The following SYN3 variants were observed in gnomAD, a reference collection of about 807,000 sequenced individuals.
SYN3 encodes synapsin-3.
SYN3 carries 35 observed loss-of-function variants against 65.8 expected under a neutral mutation model. The ratio of observed to expected loss-of-function variants is 0.53; its 90% CI spans 0.41 to 0.70. The LOEUF (loss-of-function observed/expected upper bound fraction) is 0.70, where lower values mean the gene tolerates loss of function less well. Among genes scored for constraint, SYN3 ranks in the 30% least tolerant of loss-of-function variants. The pLI, the probability that SYN3 is intolerant of heterozygous loss-of-function variation, is 0.00. For synonymous variants in SYN3, 270 were observed against 292.9 expected (o/e 0.92, Z 0.80); for missense variants, 680 against 749.0 (o/e 0.91, Z 1.08).
At chr22:32,649,767 C>G (rs2060035317) in intron 6 of SYN3, among the ~76,000 whole-genome samples, 1 of 152,156 alleles carries the variant, frequency 6.6e-6, no homozygotes, top group South Asian at 2.1e-4. Flanking sequence ...TGGTGAGGGG[C>G]TGGTTGGTTA....
At position 32,510,326 on chromosome 22, in the gene SYN3, G is replaced by A. The variant is rs948604586; in HGVS notation, c.*3366C>T. Among the ~76,000 whole-genome samples the A allele has an allele frequency of 2.0e-5, 3 of 152,198 alleles. No individual in the cohort carries two copies. Among genetic ancestry groups the A allele is most frequent in the African/African-American group, 7.2e-5 (3 of 41,454 alleles). ...CCAGAAATTCGGACTCCTTTAGTCC[G>A]ACATGAAGCTTCATCTGCCTTTGTA... On this transcript the variant is annotated 3_prime_UTR_variant, in exon 14 of 14. Transcript: ENST00000358763.
At chr22:33,030,956 TACATAG>T (rs2053744892) in intron 1 of SYN3, among the ~76,000 whole-genome samples, 2 of 151,380 alleles carry the variant, frequency 1.3e-5, no homozygotes, top group African/African-American at 4.9e-5. Flanking sequence ...AAGACAGATA[TACATAG>T]ACAGACACAG....
At chr22:32,849,174 G>A (rs2048149887) in intron 6 of SYN3, among the ~76,000 whole-genome samples, 1 of 152,208 alleles carries the variant, frequency 6.6e-6, no homozygotes, top group Non-Finnish European at 1.5e-5. Context: ...AAAATCCTCA[G>A]GGTCGGCGGG....
intron 13 of SYN3, chr22:32,514,385 A>AG (rs1460631880): frequency 6.6e-6 from 1 of 152,368 alleles, no homozygotes; most frequent in Non-Finnish European, 1.5e-5. Context: ...GCTGACCCTC[A>AG]GGCCTCTTCC....
intron 6 of SYN3, among the ~76,000 whole-genome samples, chr22:32,702,907 G>C (rs1452690303): frequency 6.6e-6 from 1 of 152,166 alleles, no homozygotes; most frequent in African/African-American, 2.4e-5. Context: ...TAAAAATTTA[G>C]TCATAGCTAA....
chr22:32,864,132 C>T (rs2048622944), intron 6 of SYN3, among the ~76,000 whole-genome samples: 1 of 152,176 alleles, frequency 6.6e-6, no homozygotes, highest in Non-Finnish European at 1.5e-5. Flanking sequence ...CACAGTAAGT[C>T]CCCACCTGGG....
intron 1 of SYN3, among the ~76,000 whole-genome samples, chr22:33,019,029 A>C (rs1421727768): frequency 1.3e-5 from 2 of 152,112 alleles, no homozygotes; most frequent in Non-Finnish European, 2.9e-5. Context: ...ACAGGCTCCT[A>C]ATCAGCTCCC....
At chr22:32,569,533 ATCAATCTCTCTCTCTCTCTCTC>A (rs2058724683) in intron 7 of SYN3, among the ~76,000 whole-genome samples, 1 of 93,906 alleles carries the variant, frequency 1.1e-5, no homozygotes, top group East Asian at 4.3e-4. Flanking sequence ...TCTAAAATCA[ATCAATCTCTCTCTCTCTCTCTC>A]TCTCTCTCTC....
At chr22:32,998,644 A>G (rs1027902190) in intron 2 of SYN3, among the ~76,000 whole-genome samples, 1 of 152,086 alleles carries the variant, frequency 6.6e-6, no homozygotes, top group African/African-American at 2.4e-5. Flanking sequence ...TCCAGGCTCC[A>G]GAGACCTTGT....
At chr22:32,963,749 C>T (rs2051734188) in intron 3 of SYN3, among the ~76,000 whole-genome samples, 1 of 152,148 alleles carries the variant, frequency 6.6e-6, no homozygotes, top group Non-Finnish European at 1.5e-5. Context: ...GGCCCTGGTG[C>T]TGCCTAAAGA....
chr22:32,922,410 A>T (rs2050358251), intron 4 of SYN3, among the ~76,000 whole-genome samples: 1 of 152,206 alleles, frequency 6.6e-6, no homozygotes, highest in Non-Finnish European at 1.5e-5. Flanking sequence ...GAGTTAATTC[A>T]TGTTAAGTGC....
At chr22:32,663,797 G>A (rs1291104085) in intron 6 of SYN3, among the ~76,000 whole-genome samples, 1 of 151,986 alleles carries the variant, frequency 6.6e-6, no homozygotes, top group Non-Finnish European at 1.5e-5. Flanking sequence ...AAATCCACGT[G>A]AATAATGTAA....
intron 6 of SYN3, among the ~76,000 whole-genome samples, chr22:32,633,416 C>T (rs1264878761): frequency 2.6e-5 from 4 of 151,994 alleles, no homozygotes; most frequent in African/African-American, 9.7e-5. Flanking sequence ...ACTGTCTCCC[C>T]CTGCCCTTCC....
At chr22:33,046,005 A>T (rs74729851) in intron 1 of SYN3, among the ~76,000 whole-genome samples, 1 of 146,938 alleles carries the variant, frequency 6.8e-6, no homozygotes, top group South Asian at 2.2e-4. Context: ...AAAAGCAATT[A>T]AAAAAAAAAA....
chr22:32,811,818 A>G (rs1462077528), intron 6 of SYN3, among the ~76,000 whole-genome samples: 1 of 152,220 alleles, frequency 6.6e-6, no homozygotes, highest in Admixed American at 6.5e-5. Flanking sequence ...CAAGCCCAAC[A>G]CTTGTCAAGG....
At chr22:32,865,078 G>A in intron 5 of SYN3, 74 bp from the exon 6 acceptor site, 1 of 1,223,700 alleles carries the variant, frequency 8.2e-7, no homozygotes, top group South Asian at 1.2e-5. Context: ...TTGATCTGAG[G>A]CCTCAAGCAT....
At chr22:32,863,331 T>C (rs2048599590) in intron 6 of SYN3, among the ~76,000 whole-genome samples, 1 of 152,248 alleles carries the variant, frequency 6.6e-6, no homozygotes, top group Admixed American at 6.5e-5. Context: ...GTGGTACAAG[T>C]ACCCCCAGAC....
At chr22:32,692,513 C>T (rs926275575) in intron 6 of SYN3, among the ~76,000 whole-genome samples, 6 of 152,236 alleles carry the variant, frequency 3.9e-5, no homozygotes, top group East Asian at 1.9e-4. Flanking sequence ...AAGCCTCCGA[C>T]GCAGGCCACC....
intron 6 of SYN3, among the ~76,000 whole-genome samples, chr22:32,647,262 G>A (rs1335458162): frequency 2.6e-5 from 4 of 152,102 alleles, no homozygotes; most frequent in African/African-American, 7.2e-5. Context: ...GCCTCTTGGT[G>A]TTCTTTTCTC....
Sources: allele counts gnomAD v4.1 joint callset (sites outside exome capture counted in the v4.1 genomes callset), GRCh38; gene constraint gnomAD v4.1.1; transcripts MANE v1.5; gene names NCBI Gene and HGNC (gene_info 2026-07-23, HGNC 2026-07-21).